The following GPHN variants were observed in gnomAD, a reference collection of about 807,000 sequenced individuals.
The protein encoded by GPHN is gephyrin.
GPHN carries 17 observed loss-of-function variants against 95.5 expected under a neutral mutation model. The ratio of observed to expected loss-of-function variants is 0.18; its 90% CI spans 0.12 to 0.27. The LOEUF (loss-of-function observed/expected upper bound fraction) is 0.27. GPHN is among the 10% of genes least tolerant of loss of function. The pLI, the probability that GPHN is intolerant of heterozygous loss-of-function variation, is 1.00. For missense variants in GPHN, 660 were observed against 978.1 expected, an observed-to-expected ratio of 0.67 and a Z score of 4.34; for synonymous variants, 320 against 322.5, an observed-to-expected ratio of 0.99 and a Z score of 0.08.
chr14:67,010,626 T>TTGGTAA (rs2072937903), intron 9 of GPHN, among the ~76,000 whole-genome samples: 1 of 151,252 alleles, frequency 6.6e-6, no homozygotes, highest in Admixed American at 6.6e-5. Context: ...CAATTAAAAA[T>TTGGTAA]TTCCTACATG....
the GPHN span, chr14:67,720,733 C>T: frequency 6.6e-6 from 1 of 152,212 alleles, no homozygotes; most frequent in African/African-American, 2.4e-5. Flanking sequence ...TACAACTTAT[C>T]AATGATATGA....
At chr14:66,677,939 A>C (rs1355562225) in intron 1 of GPHN, among the ~76,000 whole-genome samples, 4 of 151,966 alleles carry the variant, frequency 2.6e-5, no homozygotes, top group African/African-American at 9.7e-5. Context: ...CTTGGCTTAT[A>C]ATGGTTCTGC....
intron 8 of GPHN, among the ~76,000 whole-genome samples, chr14:66,957,847 C>T (rs2068634830): frequency 6.6e-6 from 1 of 152,162 alleles, no homozygotes; most frequent in South Asian, 2.1e-4. Context: ...GCTCTACCTC[C>T]TCTCAGATCA....
the GPHN span, chr14:67,562,771 G>A: frequency 1.2e-6 from 2 of 1,613,856 alleles, no homozygotes; most frequent in Non-Finnish European, 1.7e-6. Flanking sequence ...TGGAGATGGA[G>A]GAGCCACCCC....
the GPHN span, chr14:67,733,807 T>C: frequency 2.5e-6 from 4 of 1,613,486 alleles, no homozygotes; most frequent in African/African-American, 2.7e-5. Context: ...TGAGCGCCTA[T>C]GGAATGTCAG....
chr14:67,577,293 T>TACAGAACCAGA, the GPHN span: 1 of 1,551,714 alleles, frequency 6.4e-7, no homozygotes, highest in Non-Finnish European at 8.7e-7. Context: ...GGTTCCGTGC[T>TACAGAACCAGA]TTGGGCAGAT....
At chr14:67,519,247 C>G in the GPHN span, among the ~76,000 whole-genome samples, 1 of 152,244 alleles carries the variant, frequency 6.6e-6, no homozygotes, top group South Asian at 2.1e-4. Flanking sequence ...CCAACTTTAG[C>G]TATCTTAAGT....
At chr14:66,899,122 C>CTTTTTTT (rs149566081) in intron 5 of GPHN, among the ~76,000 whole-genome samples, 30 of 130,274 alleles carry the variant, frequency 2.3e-4, no homozygotes, top group Non-Finnish European at 2.4e-4. Flanking sequence ...AGGGCTTTTT[C>CTTTTTTT]TTTTTTTTTT....
the GPHN span, chr14:67,577,383 C>A: frequency 6.3e-7 from 1 of 1,589,720 alleles, no homozygotes; most frequent in Non-Finnish European, 8.6e-7. Flanking sequence ...CCCTCTGAGG[C>A]CTTGCAGACG....
chr14:67,337,703 G>A, the GPHN span: 4 of 152,102 alleles, frequency 2.6e-5, no homozygotes, highest in African/African-American at 9.7e-5. Context: ...AAATCAAACA[G>A]TACTAAAAAC....
intron 22 of GPHN, 52 bp from the exon 23 acceptor site, chr14:67,180,752 A>C: frequency 2.5e-6 from 4 of 1,587,724 alleles, no homozygotes; most frequent in Non-Finnish European, 3.4e-6. Context: ...CAAGGGCCCA[A>C]CTGTATACGC....
chr14:67,439,698 G>T, the GPHN span, among the ~76,000 whole-genome samples: 1 of 151,850 alleles, frequency 6.6e-6, no homozygotes, highest in East Asian at 1.9e-4. Flanking sequence ...CCAGTTTAGC[G>T]CAATATAGAA....
At chr14:67,261,857 G>A in the GPHN span, among the ~76,000 whole-genome samples, 1 of 152,006 alleles carries the variant, frequency 6.6e-6, no homozygotes, top group South Asian at 2.1e-4. Context: ...ATGTAACAGT[G>A]AAATTAATGA....
chr14:66,600,098 C>A (rs1204801726), intron 1 of GPHN, among the ~76,000 whole-genome samples: 3 of 151,798 alleles, frequency 2.0e-5, no homozygotes, highest in Non-Finnish European at 4.4e-5. Flanking sequence ...GATTCTTTTG[C>A]ATATTATCTC....
At chr14:66,611,681 A>G (rs1278568975) in intron 1 of GPHN, among the ~76,000 whole-genome samples, 1 of 152,074 alleles carries the variant, frequency 6.6e-6, no homozygotes, top group Non-Finnish European at 1.5e-5. Flanking sequence ...TGCTAAGGAG[A>G]AGAATCTCTG....
intron 2 of GPHN, among the ~76,000 whole-genome samples, chr14:66,754,212 G>T (rs565967639): frequency 2.6e-5 from 4 of 151,834 alleles, no homozygotes; most frequent in Non-Finnish European, 5.9e-5. Context: ...ATTTCTCTTA[G>T]ATAAGTACTT....
intron 20 of GPHN, among the ~76,000 whole-genome samples, chr14:67,167,601 T>A (rs2295903): frequency 1.3e-5 from 2 of 151,964 alleles, no homozygotes; most frequent in African/African-American, 4.8e-5. Flanking sequence ...TAGGCTAAAC[T>A]GACCATTGCC....
At chr14:67,445,856 G>T in the GPHN span, among the ~76,000 whole-genome samples, 1 of 152,064 alleles carries the variant, frequency 6.6e-6, no homozygotes, top group Non-Finnish European at 1.5e-5. Flanking sequence ...CAAGGTGCTG[G>T]CATTAGAGGC....
At chr14:67,171,809 G>A (rs1444592067) in intron 21 of GPHN, among the ~76,000 whole-genome samples, 4 of 152,108 alleles carry the variant, frequency 2.6e-5, no homozygotes, top group Non-Finnish European at 4.4e-5. Flanking sequence ...GGAAACACCA[G>A]GCCTCCACCA....
Sources: allele counts gnomAD v4.1 joint callset (sites outside exome capture counted in the v4.1 genomes callset), GRCh38; gene constraint gnomAD v4.1.1; transcripts MANE v1.5; gene names NCBI Gene and HGNC (gene_info 2026-07-23, HGNC 2026-07-21).